The following PAGE2B variants were observed in gnomAD, a reference collection of about 807,000 sequenced individuals.
The protein encoded by PAGE2B is PAGE family member 2B.
Under a neutral mutation model 7.6 loss-of-function variants are expected in PAGE2B, and 5 were observed. The observed-to-expected ratio is 0.66, with a 90% confidence interval of 0.34 to 1.38. PAGE2B has a LOEUF of 1.38. Among genes scored for constraint, PAGE2B ranks in the 40% most tolerant of loss-of-function variants. PAGE2B has a pLI of 0.04. For synonymous variants in PAGE2B, 29 were observed against 26.7 expected, an observed-to-expected ratio of 1.09 and a Z score of -0.27; for missense variants, 70 against 78.4, an observed-to-expected ratio of 0.89 and a Z score of 0.41.
chrX:55,067,016 C>T, the PAGE2B span, among the ~76,000 whole-genome samples: 1 of 109,132 alleles, frequency 9.2e-6, no homozygotes, highest in Admixed American at 9.7e-5. Context: ...AACCTATTTT[C>T]AAGCTGACTA....
chrX:55,041,098 T>TC, the PAGE2B span, among the ~76,000 whole-genome samples: 2 of 103,754 alleles, frequency 1.9e-5, no homozygotes, highest in Non-Finnish European at 4.0e-5. Context: ...TTTTTTTTTT[T>TC]TGAGACGGAG....
At chrX:55,076,324 C>CTA (rs1363877715) in intron 2 of PAGE2B, among the ~76,000 whole-genome samples, 199 bp downstream of exon 2, 2 of 106,252 alleles carry the variant, frequency 1.9e-5, no homozygotes, top group African/African-American at 7.2e-5. Context: ...CTCTCTCTCT[C>CTA]TCTATATATA....
chrX:55,029,113 A>T, the PAGE2B span, among the ~76,000 whole-genome samples: 1 of 111,927 alleles, frequency 8.9e-6, no homozygotes. Context: ...TATTATTTTT[A>T]TTTTCTCCAT....
At chrX:55,072,578 C>G (rs940180538), upstream of PAGE2B, among the ~76,000 whole-genome samples, 12 of 112,653 alleles carry the variant, frequency 1.1e-4, no homozygotes, top group Admixed American at 7.5e-4. Context: ...AGAGCTCAAG[C>G]ACTGTGCTGG....
chrX:55,068,597 G>C, the PAGE2B span, among the ~76,000 whole-genome samples: 1 of 111,650 alleles, frequency 9.0e-6, no homozygotes, highest in East Asian at 2.8e-4. Flanking sequence ...AGCTTGATCG[G>C]GATAGCATTA....
At chrX:55,062,806 T>G in the PAGE2B span, among the ~76,000 whole-genome samples, 8 of 111,816 alleles carry the variant, frequency 7.2e-5, no homozygotes, top group Non-Finnish European at 9.4e-5. Context: ...TGTAGTTTCA[T>G]TCTTTTGCAT....
chrX:55,035,688 TG>T, the PAGE2B span, among the ~76,000 whole-genome samples: 2 of 112,412 alleles, frequency 1.8e-5, no homozygotes, highest in African/African-American at 6.5e-5. Flanking sequence ...ATTTATTAAC[TG>T]TGTGAACTTT....
the PAGE2B span, among the ~76,000 whole-genome samples, chrX:55,051,143 C>G: frequency 1.8e-5 from 2 of 111,814 alleles, no homozygotes; most frequent in African/African-American, 6.5e-5. Context: ...GGCCCCCACT[C>G]ACTTCTGGCT....
chrX:55,039,671 G>C, the PAGE2B span, among the ~76,000 whole-genome samples: 1 of 110,952 alleles, frequency 9.0e-6, no homozygotes, highest in South Asian at 3.8e-4. Flanking sequence ...TATGGTGCCC[G>C]GAGCAGTGTG....
intron 2 of PAGE2B, 74 bp downstream of exon 2, chrX:55,076,199 G>C: frequency 9.4e-7 from 1 of 1,062,206 alleles, no homozygotes; most frequent in African/African-American, 1.9e-5. Flanking sequence ...TAGTGTACAC[G>C]CACTGATACA....
At chrX:55,041,754 G>A in the PAGE2B span, among the ~76,000 whole-genome samples, 8 of 111,534 alleles carry the variant, frequency 7.2e-5, no homozygotes, top group South Asian at 3.8e-4. Flanking sequence ...AGCGGCTGCC[G>A]TGGCGGTTCA....
chrX:55,070,813 T>C (rs767389200), upstream of PAGE2B, among the ~76,000 whole-genome samples: 1 of 111,902 alleles, frequency 8.9e-6, no homozygotes, highest in East Asian at 2.8e-4. Flanking sequence ...CTTTTGATCT[T>C]TGTTGGTTTG....
chrX:55,071,951 C>T (rs1337556552), upstream of PAGE2B, among the ~76,000 whole-genome samples: 4 of 111,909 alleles, frequency 3.6e-5, no homozygotes, highest in Non-Finnish European at 7.5e-5. Flanking sequence ...GTTCGCAGTT[C>T]CTGTAACCTT....
the PAGE2B span, among the ~76,000 whole-genome samples, chrX:55,037,161 G>A: frequency 9.0e-6 from 1 of 111,562 alleles, no homozygotes; most frequent in Non-Finnish European, 1.9e-5. Context: ...ATCTGACAAA[G>A]GGCTAATATC....
chrX:55,035,958 T>C, the PAGE2B span, among the ~76,000 whole-genome samples: 1 of 111,817 alleles, frequency 8.9e-6, no homozygotes, highest in Non-Finnish European at 1.9e-5. Context: ...CATTTGTTTT[T>C]ATCCTCTTTT....
the PAGE2B span, among the ~76,000 whole-genome samples, chrX:55,065,711 A>G: frequency 2.7e-5 from 3 of 111,312 alleles, no homozygotes; most frequent in Non-Finnish European, 3.8e-5. Flanking sequence ...TGTATCCATT[A>G]TATGTTTTTC....
the PAGE2B span, among the ~76,000 whole-genome samples, chrX:55,052,272 A>C: frequency 1.2e-4 from 13 of 112,445 alleles, no homozygotes; most frequent in African/African-American, 4.2e-4. Flanking sequence ...CCACTTGAGG[A>C]GGCAGTCTGC....
the PAGE2B span, among the ~76,000 whole-genome samples, chrX:55,063,237 A>G: frequency 9.0e-6 from 1 of 111,182 alleles, no homozygotes; most frequent in Non-Finnish European, 1.9e-5. Flanking sequence ...TTAACATTTA[A>G]TTTCTTGCAT....
the PAGE2B span, chrX:55,055,677 A>T: frequency 7.8e-6 from 1 of 128,482 alleles, no homozygotes; most frequent in Admixed American, 9.4e-5. Context: ...GTCTTCTTCT[A>T]CTCTATCACC....
Sources: gnomAD v4.1 joint callset for allele counts (sites outside exome capture counted in the v4.1 genomes callset) on GRCh38, gnomAD v4.1.1 for gene constraint, MANE v1.5 for transcripts, NCBI Gene and HGNC (gene_info 2026-07-23, HGNC 2026-07-21) for gene names.